Variants in FANCB observed in about 807,000 individuals in gnomAD.
The protein encoded by FANCB is FA complementation group B.
A neutral mutation model predicts 38.9 loss-of-function variants in FANCB; 5 were observed. The observed-to-expected ratio is 0.13, with a 90% CI of 0.07 to 0.27. The LOEUF (loss-of-function observed/expected upper bound fraction) is 0.27, where lower values mean the gene tolerates loss of function less well. Among genes scored for constraint, FANCB ranks in the 10% least tolerant of loss-of-function variants. The pLI is 1.00. For synonymous variants in FANCB, 236 were observed against 215.4 expected, an observed-to-expected ratio of 1.10 and a Z score of -0.84; for missense variants, 573 against 602.7, an observed-to-expected ratio of 0.95 and a Z score of 0.52.
chrX:14,787,876 A>AATATATATAT, the FANCB span, among the ~76,000 whole-genome samples: 104 of 41,662 alleles, frequency 2.5e-3, 2 homozygotes, highest in East Asian at 3.5e-3. Flanking sequence ...TTAAAAATAG[A>AATATATATAT]ATATATATAT....
At chrX:14,715,928 G>A in the FANCB span, among the ~76,000 whole-genome samples, 8 of 111,732 alleles carry the variant, frequency 7.2e-5, no homozygotes, top group African/African-American at 2.3e-4. Context: ...CATAATCTGC[G>A]TAGCACAGTG....
the FANCB span, among the ~76,000 whole-genome samples, chrX:14,815,420 CT>C: frequency 9.1e-6 from 1 of 110,308 alleles, no homozygotes; most frequent in Admixed American, 9.5e-5. Context: ...AGCAAAATAA[CT>C]GAACAGATTG....
At chrX:14,748,339 A>G in the FANCB span, among the ~76,000 whole-genome samples, 1 of 103,957 alleles carries the variant, frequency 9.6e-6, no homozygotes, top group African/African-American at 3.6e-5. Context: ...TTCTCCACCA[A>G]TTGAACCTTG....
At chrX:14,864,470 A>T (rs748213712) in intron 3 of FANCB, 90 bp downstream of exon 3, 4 of 609,375 alleles carry the variant, frequency 6.6e-6, no homozygotes, top group Non-Finnish European at 1.1e-5. Context: ...GACTTAGACA[A>T]TAAGACTCCA....
chrX:14,773,036 C>T, the FANCB span, among the ~76,000 whole-genome samples: 2 of 111,451 alleles, frequency 1.8e-5, no homozygotes, highest in Non-Finnish European at 3.8e-5. Context: ...CCAGTCAGTT[C>T]CAATGCAAGA....
At chrX:14,756,992 T>C in the FANCB span, among the ~76,000 whole-genome samples, 1 of 111,724 alleles carries the variant, frequency 9.0e-6, no homozygotes, top group Admixed American at 9.5e-5. Flanking sequence ...CTAATCTTCA[T>C]GGAAATGCAA....
the FANCB span, among the ~76,000 whole-genome samples, chrX:14,694,107 A>C: frequency 2.7e-5 from 3 of 112,051 alleles, no homozygotes; most frequent in Non-Finnish European, 3.8e-5. Context: ...AATAAAATAA[A>C]AGAATGGTCC....
At chrX:14,747,984 G>A in the FANCB span, among the ~76,000 whole-genome samples, 15 of 111,376 alleles carry the variant, frequency 1.3e-4, no homozygotes, top group African/African-American at 4.9e-4. Flanking sequence ...TGTATTTTGG[G>A]CCTCTCATCT....
At chrX:14,697,091 G>GA in the FANCB span, among the ~76,000 whole-genome samples, 3,107 of 103,714 alleles carry the variant, frequency 0.03, 81 homozygotes, top group African/African-American at 0.086. Context: ...ACCATGGTTA[G>GA]AAAAAAAAAA....
the FANCB span, chrX:14,731,595 G>A: frequency 9.0e-6 from 1 of 111,637 alleles, no homozygotes; most frequent in Non-Finnish European, 1.9e-5. Flanking sequence ...TTTTAAAATT[G>A]TACTGTGATT....
At chrX:14,733,772 A>G in the FANCB span, among the ~76,000 whole-genome samples, 4 of 111,755 alleles carry the variant, frequency 3.6e-5, no homozygotes, top group African/African-American at 1.3e-4. Context: ...TTGGGCTGAG[A>G]CAGTGGGGTT....
At chrX:14,722,504 C>G in the FANCB span, among the ~76,000 whole-genome samples, 1 of 111,390 alleles carries the variant, frequency 9.0e-6, no homozygotes, top group African/African-American at 3.3e-5. Flanking sequence ...GAGCAAGTCA[C>G]AAGCCCACTT....
chrX:14,779,540 T>A, the FANCB span, among the ~76,000 whole-genome samples: 1 of 111,418 alleles, frequency 9.0e-6, no homozygotes, highest in African/African-American at 3.3e-5. Flanking sequence ...CTTTCTACCT[T>A]CCCCCATGCC....
intron 7 of FANCB, among the ~76,000 whole-genome samples, chrX:14,848,730 T>A (rs755388708): frequency 2.7e-4 from 30 of 112,236 alleles, no homozygotes; most frequent in Non-Finnish European, 5.4e-4. Context: ...TACAAAAATG[T>A]ACTGTACTTC....
the FANCB span, chrX:14,690,612 C>G: frequency 6.9e-6 from 4 of 582,543 alleles, no homozygotes; most frequent in Non-Finnish European, 1.1e-5. Context: ...TTTTGCTGCT[C>G]ACACCATTAA....
chrX:14,816,211 C>G, the FANCB span, among the ~76,000 whole-genome samples: 3 of 111,387 alleles, frequency 2.7e-5, no homozygotes, highest in South Asian at 1.1e-3. Flanking sequence ...TAAAATAAAA[C>G]AAAATAATTT....
the FANCB span, among the ~76,000 whole-genome samples, chrX:14,709,084 G>A: frequency 9.0e-6 from 1 of 111,354 alleles, no homozygotes; most frequent in Non-Finnish European, 1.9e-5. Context: ...AAAACGAAAG[G>A]GAGAGCTGGG....
At chrX:14,699,657 C>A in the FANCB span, among the ~76,000 whole-genome samples, 1 of 111,582 alleles carries the variant, frequency 9.0e-6, no homozygotes, top group African/African-American at 3.3e-5. Flanking sequence ...CAATAGAAGA[C>A]CAGAACTTAT....
At chrX:14,846,418 A>G (rs1390054941) in intron 7 of FANCB, among the ~76,000 whole-genome samples, 1 of 112,009 alleles carries the variant, frequency 8.9e-6, no homozygotes, top group African/African-American at 3.2e-5. Flanking sequence ...TTTCTAAATT[A>G]CAAACTATAC....
Sources: gnomAD v4.1 joint callset for allele counts (sites outside exome capture counted in the v4.1 genomes callset) on GRCh38, gnomAD v4.1.1 for gene constraint, MANE v1.5 for transcripts, NCBI Gene and HGNC (gene_info 2026-07-23, HGNC 2026-07-21) for gene names.